Variants in PHACTR2 observed in about 807,000 individuals in gnomAD.
PHACTR2 encodes the protein chromosome 6 open reading frame 56.
PHACTR2 carries 30 observed loss-of-function variants against 76.0 expected under a neutral mutation model. The observed-to-expected ratio is 0.39, with a 90% CI of 0.30 to 0.54. PHACTR2 has a LOEUF of 0.54. PHACTR2 is among the 20% of genes least tolerant of loss of function. PHACTR2 has a pLI of 0.61. For missense variants in PHACTR2, 696 were observed against 781.1 expected (o/e 0.89, Z 1.30); for synonymous variants, 292 against 292.5 (o/e 1.00, Z 0.02).
upstream of PHACTR2, among the ~76,000 whole-genome samples, chr6:143,673,114 C>T (rs997733839): frequency 2.0e-5 from 3 of 152,108 alleles, no homozygotes; most frequent in Non-Finnish European, 2.9e-5. Flanking sequence ...CTATGACCTC[C>T]GCCACAGGAG....
At chr6:143,749,205 A>G (rs1779133568) in intron 3 of PHACTR2, 140 bp downstream of exon 3, 2 of 598,384 alleles carry the variant, frequency 3.3e-6, no homozygotes, top group East Asian at 2.8e-5. Context: ...CCGTGCTTCC[A>G]TTGGTAATGC....
chr6:143,736,927 T>G (rs1446368709), intron 2 of PHACTR2, among the ~76,000 whole-genome samples: 1 of 151,928 alleles, frequency 6.6e-6, no homozygotes, highest in Non-Finnish European at 1.5e-5. Context: ...TTAGTGCCTG[T>G]GTTTTCACAT....
Position 143,646,659 on chromosome 6 carries a change from GCAGGTGTACTCTGACCT to G in PHACTR2, c.13+38341_13+38357del. The stretch of plus-strand genomic sequence containing the variant: ...CACTTTTCTTGAAATGTCAAGAAGG[GCAGGTGTACTCTGACCT>G]CAGCTTTAAGTTTAACCAAATATAT... On this transcript the variant is annotated intron_variant, in intron 1 of 11. Coordinates refer to the PHACTR2 transcript ENST00000305766. This position sits in a 1 kb window ranked among gnomAD's most constrained non-coding sequence, Gnocchi z 4.1. 6.6e-6 allele frequency among the ~76,000 whole-genome samples: 1 copy of G among 152,258 alleles called. No individual in the cohort carries two copies. The highest frequency in any genetic ancestry group is 1.5e-5 in the Non-Finnish European group (1 of 68,014).
At chr6:143,758,306 G>A (rs374660403) in intron 4 of PHACTR2, among the ~76,000 whole-genome samples, 3 of 152,218 alleles carry the variant, frequency 2.0e-5, no homozygotes, top group Non-Finnish European at 2.9e-5. Flanking sequence ...AGAGAATTAA[G>A]GTGACATGTG....
intron 1 of PHACTR2, among the ~76,000 whole-genome samples, chr6:143,650,257 A>G (rs1776737168): frequency 6.6e-6 from 1 of 152,212 alleles, no homozygotes; most frequent in Non-Finnish European, 1.5e-5. Context: ...GGAAGTGGCC[A>G]TACTGCTCAG....
intron 3 of PHACTR2, among the ~76,000 whole-genome samples, 162 bp downstream of exon 3, chr6:143,749,227 G>T (rs562781555): frequency 2.0e-5 from 3 of 152,308 alleles, no homozygotes; most frequent in Non-Finnish European, 4.4e-5. Context: ...TTTGTGAGCT[G>T]CAGAGAATCT....
At position 143,780,341 on chromosome 6, in the gene PHACTR2, G is replaced by A. The variant is rs1442725876; in HGVS notation, c.1646-2878G>A. ...AAACACCCATATGAGGCCAGGTAAG[G>A]TGGCTTATGCCTGTAATCCCAAAGC... On this transcript the variant is annotated intron_variant, in intron 9 of 12. Transcript: ENST00000440869. The surrounding 1 kb of genome is among the most constrained non-coding windows in gnomAD (Gnocchi z 4.4). Among the ~76,000 whole-genome samples the A allele has an allele frequency of 6.6e-6, 1 of 152,078 alleles. No individual in the cohort carries two copies. Among genetic ancestry groups the A allele is most frequent in the Non-Finnish European group, 1.5e-5 (1 of 68,034 alleles).
At position 143,730,406 on chromosome 6, in the gene PHACTR2, TTTTC is replaced by T. The variant is rs1018739682; in HGVS notation, c.214+18227_214+18230del. On this transcript the variant is annotated intron_variant, in intron 2 of 12. Transcript: ENST00000440869. The surrounding 1 kb of genome is among the most constrained non-coding windows in gnomAD (Gnocchi z 4.8). ...TAATAAGTTTATACTTCAGTATTTGTTTTCTTTATTTTTTAGCTACTGTAAATTA... is the reference window on the plus strand; with the variant it reads ...TAATAAGTTTATACTTCAGTATTTGTTTTATTTTTTAGCTACTGTAAATTA... 1.3e-5 allele frequency among the ~76,000 whole-genome samples: 2 copies of T among 152,176 alleles called. No homozygotes were observed. Among genetic ancestry groups the T allele is most frequent in the African/African-American group, 2.4e-5 (1 of 41,452 alleles).
At chr6:143,692,609 G>C (rs1303244726) in intron 1 of PHACTR2, among the ~76,000 whole-genome samples, 1 of 152,190 alleles carries the variant, frequency 6.6e-6, no homozygotes, top group Non-Finnish European at 1.5e-5. Context: ...TCCAACCACA[G>C]AATGTCAGAA....
rs190024274 is a variant in PHACTR2 at position 143,663,632 on chromosome 6, G to T, written c.14-48384G>T. ...CTACATGTTTTATAGTGCTTTCATT[G>T]TTGTTTAGTTCTAAATATTTTATGC... On this transcript the variant is annotated intron_variant, in intron 1 of 11. Coordinates refer to the PHACTR2 transcript ENST00000305766. The surrounding 1 kb of genome is among the most constrained non-coding windows in gnomAD (Gnocchi z 4.1). 6.6e-6 allele frequency among the ~76,000 whole-genome samples: 1 copy of T among 152,004 alleles called. No homozygotes were observed. Among genetic ancestry groups the T allele is most frequent in the Non-Finnish European group, 1.5e-5 (1 of 67,964 alleles).
rs1445551983 is a variant in PHACTR2 at position 143,547,476 on chromosome 6, G to A, written c.217+10269G>A. On this transcript the variant is annotated intron_variant, in intron 1 of 11. Coordinates refer to the PHACTR2 transcript ENST00000367584. The surrounding 1 kb of genome is among the most constrained non-coding windows in gnomAD (Gnocchi z 4.2). ...CCTCCAAAATATATAACCACACAAG[G>A]TCATATGTGCTAACCAAGCAGATCA... 6.6e-6 allele frequency among the ~76,000 whole-genome samples: 1 copy of A among 152,130 alleles called. No homozygotes were observed. The highest frequency in any genetic ancestry group is 2.4e-5 in the African/African-American group (1 of 41,416).
intron 1 of PHACTR2, among the ~76,000 whole-genome samples, chr6:143,706,148 C>T (rs189225318): frequency 2.1e-3 from 323 of 152,332 alleles, no homozygotes; most frequent in Non-Finnish European, 3.9e-3. Context: ...CTACCTCCTC[C>T]CATCAGTTTG....
rs1197818102 is a variant in PHACTR2, at chr6:143,791,707, TCTC to T, written c.1845+2800_1845+2802del. Among the ~76,000 whole-genome samples, 1 of 152,160 alleles carries T rather than the reference TCTC, an allele frequency of 6.6e-6. No individual in the cohort carries two copies. On this transcript the variant is annotated intron_variant, in intron 11 of 12. Coordinates refer to ENST00000440869, the MANE Select transcript of PHACTR2 (RefSeq NM_001100164.2). The surrounding 1 kb of genome is among the most constrained non-coding windows in gnomAD (Gnocchi z 4.7). ...CACTATGTGGATTTTTTTTTTTACTTCTCCTTATAATTCTGTTAATTTTGCTTC... is the reference window on the plus strand; with the variant it reads ...CACTATGTGGATTTTTTTTTTTACTTCTTATAATTCTGTTAATTTTGCTTC...
rs915468131 is a variant in PHACTR2 at position 143,629,177 on chromosome 6, C to T, written c.13+20855C>T. On this transcript the variant is annotated intron_variant, in intron 1 of 11. Coordinates refer to the PHACTR2 transcript ENST00000305766. ...GATTCTGTAACTCCAAATACAAATA[C>T]AGATCTATTATATGAAAATCATATT... Among the ~76,000 whole-genome samples, 4 of 151,682 alleles carry T rather than the reference C, an allele frequency of 2.6e-5. No homozygotes were observed. The East Asian group carries it at 7.8e-4, about 29-fold the overall frequency.
chr6:143,805,529 A>C (rs1304538238), intron 11 of PHACTR2, among the ~76,000 whole-genome samples: 5 of 151,044 alleles, frequency 3.3e-5, no homozygotes, highest in Non-Finnish European at 4.4e-5. Context: ...CGTTTTATAG[A>C]TGTTAATTGG....
Position 143,765,221 on chromosome 6 carries a change from G to A in PHACTR2, c.695-40G>A, listed in dbSNP as rs1343480729. 2 of 1,485,804 alleles carry A rather than the reference G, an allele frequency of 1.3e-6. No homozygotes were observed. The highest frequency in any genetic ancestry group is 1.8e-6 in the Non-Finnish European group (2 of 1,087,382). The allele number at this position is 1,485,804 out of a possible 1,614,324, so 92.0% of individuals were successfully genotyped here. A position where few individuals can be genotyped will look rare whatever the true frequency, so the allele number is the denominator to read the frequency against. Reference sequence around the variant, plus strand: ...TGGTTACTTTATTTTAAAAAGCATTGTATTCTTTGATTTTTTAATGCAAGG... The same window carrying A: ...TGGTTACTTTATTTTAAAAAGCATTATATTCTTTGATTTTTTAATGCAAGG... On this transcript the variant is annotated intron_variant, in intron 5 of 12. Transcript: ENST00000440869. This position sits in a 1 kb window ranked among gnomAD's most constrained non-coding sequence, Gnocchi z 4.1.
rs1775007374 is a variant in PHACTR2, at chr6:143,546,778, C to A, written c.217+9571C>A. On this transcript the variant is annotated intron_variant, in intron 1 of 11. Transcript: ENST00000367584. The surrounding 1 kb of genome is among the most constrained non-coding windows in gnomAD (Gnocchi z 4.9). Reference sequence around the variant, plus strand: ...CAGTGGCTTACACATGTAATCCCAACATTTTGGGAGGTGGAGGCAGAAGGA... The same window carrying A: ...CAGTGGCTTACACATGTAATCCCAAAATTTTGGGAGGTGGAGGCAGAAGGA... Among the ~76,000 whole-genome samples the A allele has an allele frequency of 6.6e-6, 1 of 151,376 alleles. No individual in the cohort carries two copies. The highest frequency in any genetic ancestry group is 2.1e-4 in the South Asian group (1 of 4,810).
At position 143,602,156 on chromosome 6, in the gene PHACTR2, C is replaced by G. The variant is rs1256737258; in HGVS notation, c.217+64949C>G. Reference sequence around the variant, plus strand: ...TTTTGTTTTCACTCTCGCTCTCCCCCTCCCTAATAGTTTTATGGTTTTGAA... The same window carrying G: ...TTTTGTTTTCACTCTCGCTCTCCCCGTCCCTAATAGTTTTATGGTTTTGAA... On this transcript the variant is annotated intron_variant, in intron 1 of 11. Coordinates refer to the PHACTR2 transcript ENST00000367584. The surrounding 1 kb of genome is among the most constrained non-coding windows in gnomAD (Gnocchi z 6.1). 6.6e-6 allele frequency among the ~76,000 whole-genome samples: 1 copy of G among 152,214 alleles called. No individual in the cohort carries two copies. Among genetic ancestry groups the G allele is most frequent in the Non-Finnish European group, 1.5e-5 (1 of 68,042 alleles).
chr6:143,644,446 T>C (rs552236848), intron 1 of PHACTR2, among the ~76,000 whole-genome samples: 1,289 of 128,558 alleles, frequency 0.01, 36 homozygotes, highest in Admixed American at 0.077. Flanking sequence ...GCAGCCTAGG[T>C]GACAGAGTGG....
Sources: allele counts gnomAD v4.1 joint callset (sites outside exome capture counted in the v4.1 genomes callset), GRCh38; gene constraint gnomAD v4.1.1; non-coding constraint Gnocchi (gnomAD v3.1); transcripts MANE v1.5; gene names NCBI Gene and HGNC (gene_info 2026-07-23, HGNC 2026-07-21).